ATOH8: variants seen among roughly 807,000 people sequenced by gnomAD.
The protein encoded by ATOH8 is transcription factor ATOH8.
A neutral mutation model predicts 21.2 loss-of-function variants in ATOH8; 9 were observed. The ratio of observed to expected loss-of-function variants is 0.42; its 90% CI spans 0.26 to 0.74. The LOEUF (loss-of-function observed/expected upper bound fraction) is 0.74. Among genes scored for constraint, ATOH8 ranks in the 30% least tolerant of loss-of-function variants. ATOH8 has a pLI of 0.24. For missense variants in ATOH8, 524 were observed against 470.9 expected (o/e 1.11, Z -1.04); for synonymous variants, 253 against 224.0 (o/e 1.13, Z -1.16).
At chr2:85,759,635 G>T (rs959189102) in intron 1 of ATOH8, among the ~76,000 whole-genome samples, 2 of 152,138 alleles carry the variant, frequency 1.3e-5, no homozygotes, top group Non-Finnish European at 2.9e-5. Flanking sequence ...ATAGACTTTG[G>T]GAAGGACATT....
At position 85,788,847 on chromosome 2, in the gene ATOH8, C is replaced by T. The variant is rs533376353; in HGVS notation, c.*1957C>T. On this transcript the variant is annotated 3_prime_UTR_variant, in exon 3 of 3. Coordinates refer to ENST00000306279, the MANE Select transcript of ATOH8 (RefSeq NM_032827.7). ...CACAGTGTCCATGCTGTCTTGGATC[C>T]CTAGGCTGGCACAGAAACAGGGGAC... 8.5e-5 allele frequency among the ~76,000 whole-genome samples: 13 copies of T among 152,282 alleles called. No homozygotes were observed. Among genetic ancestry groups the T allele is most frequent in the African/African-American group, 3.1e-4 (13 of 41,568 alleles).
At chr2:85,772,781 G>A (rs754931793) in intron 2 of ATOH8, 2 of 456,692 alleles carry the variant, frequency 4.4e-6, no homozygotes, top group Non-Finnish European at 4.4e-6. Flanking sequence ...AGGCGCCGCT[G>A]TTTTCTCTTG....
At chr2:85,765,577 G>A (rs761806817) in intron 2 of ATOH8, among the ~76,000 whole-genome samples, 9 of 152,186 alleles carry the variant, frequency 5.9e-5, no homozygotes, top group Non-Finnish European at 1.0e-4. Context: ...CTCCCGCGGC[G>A]CTCGGTGACA....
At chr2:85,764,513 G>A (rs1023377727) in intron 2 of ATOH8, among the ~76,000 whole-genome samples, 1 of 152,206 alleles carries the variant, frequency 6.6e-6, no homozygotes, top group Non-Finnish European at 1.5e-5. Flanking sequence ...TCCTTGGGTG[G>A]CCTCTGATAG....
intron 1 of ATOH8, among the ~76,000 whole-genome samples, chr2:85,761,820 A>G (rs896549874): frequency 3.3e-5 from 5 of 152,214 alleles, no homozygotes; most frequent in African/African-American, 4.8e-5. Flanking sequence ...AGGTTGATAA[A>G]GCAGGATTCC....
chr2:85,773,759 G>C (rs1680254512), intron 2 of ATOH8: 1 of 152,226 alleles, frequency 6.6e-6, no homozygotes, highest in Non-Finnish European at 1.5e-5. Context: ...CTTTACACAG[G>C]CTCCTGCACC....
At chr2:85,767,561 C>CG (rs1680049980) in intron 2 of ATOH8, among the ~76,000 whole-genome samples, 1 of 132,602 alleles carries the variant, frequency 7.5e-6, no homozygotes, top group South Asian at 2.7e-4. Context: ...GGTATTCCCT[C>CG]TTCCCCTCCC....
At chr2:85,779,930 G>A (rs953144277) in intron 2 of ATOH8, among the ~76,000 whole-genome samples, 8 of 152,202 alleles carry the variant, frequency 5.3e-5, no homozygotes, top group African/African-American at 1.7e-4. Flanking sequence ...GGAGGTGTGT[G>A]GGGTAGGTGA....
At position 85,754,606 on chromosome 2, in the gene ATOH8, C is replaced by T. The variant is rs574743173; in HGVS notation, c.417C>T (p.Gly139=). 4.1e-5 allele frequency: 61 copies of T among 1,486,356 alleles called. No individual in the cohort carries two copies. The highest frequency in any genetic ancestry group is 1.9e-4 in the Middle Eastern group (1 of 5,276). The allele number at this position is 1,486,356 out of a possible 1,614,324, so 92.1% of individuals were successfully genotyped here. The change falls in exon 1 of 3, where the codon GGC becomes GGT. Residue 139 remains glycine (G), a synonymous_variant. Coordinates refer to ENST00000306279, the MANE Select transcript of ATOH8 (RefSeq NM_032827.7). ...PPAPQSQAPG[G]PEAQPFREPG... ...CGCCCCAGAGCCAGGCACCTGGGGG[C>T]CCAGAGGCACAGCCTTTCCGGGAGC...
At position 85,754,347 on chromosome 2, in the gene ATOH8, G is replaced by A. The variant is rs377585088; in HGVS notation, c.158G>A (p.Arg53His). Reference protein sequence around the residue: ...FRLDLEAPEPRAVATNGLRDR... With the variant: ...FRLDLEAPEPHAVATNGLRDR... Reference sequence around the variant, plus strand: ...CTGGACTTGGAAGCGCCCGAGCCCCGCGCCGTAGCCACCAACGGGCTGCGG... The same window carrying A: ...CTGGACTTGGAAGCGCCCGAGCCCCACGCCGTAGCCACCAACGGGCTGCGG... The change falls in exon 1 of 3, where the codon CGC becomes CAC. Residue 53 changes from arginine (R) to histidine (H), a missense_variant. Transcript: ENST00000306279. 1.0e-4 allele frequency: 160 copies of A among 1,607,118 alleles called. No individual in the cohort carries two copies. The highest frequency in any genetic ancestry group is 1.3e-4 in the Non-Finnish European group (155 of 1,177,762).
intron 2 of ATOH8, among the ~76,000 whole-genome samples, chr2:85,767,484 G>A (rs67494720): frequency 4.0e-5 from 6 of 149,546 alleles, no homozygotes; most frequent in African/African-American, 9.9e-5. Flanking sequence ...GTCTACCCCC[G>A]CTCAACAGGA....
intron 1 of ATOH8, 109 bp downstream of exon 1, chr2:85,755,066 G>C: frequency 7.2e-7 from 1 of 1,389,228 alleles, no homozygotes; most frequent in Non-Finnish European, 9.5e-7. Flanking sequence ...AAGCTGCCCC[G>C]CCCGGTCCGA....
chr2:85,774,502 G>C (rs537485096), intron 2 of ATOH8: 1 of 985,458 alleles, frequency 1.0e-6, no homozygotes, highest in Non-Finnish European at 1.2e-6. Context: ...TGTTTCTAGA[G>C]GGTGAAGTCG....
chr2:85,781,288 G>A, intron 2 of ATOH8: 1 of 180,134 alleles, frequency 5.6e-6, no homozygotes, highest in East Asian at 1.9e-4. Context: ...TCACTCTTCT[G>A]TATTTTCTTT....
At chr2:85,765,936 A>G (rs74866104) in intron 2 of ATOH8, among the ~76,000 whole-genome samples, 2,351 of 152,186 alleles carry the variant, frequency 0.015, 65 homozygotes, top group African/African-American at 0.054. Flanking sequence ...CAACCTTCCC[A>G]TTGTGGAGTC....
rs1680640850 is a variant in ATOH8, at chr2:85,787,127, C to T, written c.*237C>T. The T allele has an allele frequency of 1.8e-6, 1 of 566,496 alleles. No individual in the cohort carries two copies. The highest frequency in any genetic ancestry group is 2.9e-5 in the East Asian group (1 of 34,080). The allele number at this position is 566,496 out of a possible 1,614,324, so 35.1% of individuals were successfully genotyped here. A position where few individuals can be genotyped will look rare whatever the true frequency, so the allele number is the denominator to read the frequency against. On this transcript the variant is annotated 3_prime_UTR_variant, in exon 3 of 3. Transcript: ENST00000306279. Reference sequence around the variant, plus strand: ...CCTCTGCCTGGTGGGGAGGGGAGAGCTCAGCCCCCGACTCACTCAGACCCC... The same window carrying T: ...CCTCTGCCTGGTGGGGAGGGGAGAGTTCAGCCCCCGACTCACTCAGACCCC...
chr2:85,778,230 G>A (rs1013534271), intron 2 of ATOH8, among the ~76,000 whole-genome samples: 5 of 152,234 alleles, frequency 3.3e-5, no homozygotes, highest in South Asian at 4.1e-4. Flanking sequence ...AACAGAGGCC[G>A]TCTGGTGCCA....
intron 1 of ATOH8, among the ~76,000 whole-genome samples, chr2:85,763,568 G>T (rs976834735): frequency 6.6e-6 from 1 of 152,106 alleles, no homozygotes; most frequent in Non-Finnish European, 1.5e-5. Context: ...GTCATTCATT[G>T]TTGCACTCCC....
chr2:85,754,535 G>C lies in ATOH8; in HGVS notation c.346G>C (p.Ala116Pro). Residue 116 changes from alanine to proline, a missense_variant, in exon 1 of 3, where the codon GCA becomes CCA. Transcript: ENST00000306279. ...DARKRCFALG[A>P]VGPGLPTPPP... The stretch of plus-strand genomic sequence containing the variant: ...GCGGAAACGCTGCTTCGCCCTAGGC[G>C]CAGTGGGGCCAGGACTCCCCACGCC... 3 of 1,430,216 alleles carry C rather than the reference G, an allele frequency of 2.1e-6. No individual in the cohort carries two copies. The highest frequency in any genetic ancestry group is 1.8e-6 in the Non-Finnish European group (2 of 1,103,562). 88.6% of individuals were successfully genotyped at this position (1,430,216 alleles called of 1,614,324 possible).
Sources: allele counts gnomAD v4.1 joint callset (sites outside exome capture counted in the v4.1 genomes callset), GRCh38; gene constraint gnomAD v4.1.1; transcripts MANE v1.5; gene names NCBI Gene and HGNC (gene_info 2026-07-23, HGNC 2026-07-21).